TRAF3IP2: variants seen among roughly 807,000 people sequenced by gnomAD.
The protein encoded by TRAF3IP2 is TRAF3 interacting protein 2, also known as E3 ubiquitin ligase TRAF3IP2.
TRAF3IP2 carries 35 observed loss-of-function variants against 57.9 expected under a neutral mutation model. The observed-to-expected ratio is 0.60, with a 90% CI of 0.46 to 0.80. The LOEUF (loss-of-function observed/expected upper bound fraction) is 0.80. TRAF3IP2 is among the 30% of genes least tolerant of loss of function. TRAF3IP2 has a pLI of 0.00. For missense variants in TRAF3IP2, 556 were observed against 706.4 expected, an observed-to-expected ratio of 0.79 and a Z score of 2.41; for synonymous variants, 251 against 268.9, an observed-to-expected ratio of 0.93 and a Z score of 0.65.
chr6:111,594,138 A>AAAAAAAAC (rs1275125295), intron 1 of TRAF3IP2, among the ~76,000 whole-genome samples: 1 of 151,846 alleles, frequency 6.6e-6, no homozygotes, highest in Non-Finnish European at 1.5e-5. Flanking sequence ...TCTCCAAAAA[A>AAAAAAAAC]AAAAAAAATG....
intron 2 of TRAF3IP2, among the ~76,000 whole-genome samples, chr6:111,590,962 A>G (rs1796491473): frequency 6.6e-6 from 1 of 152,216 alleles, no homozygotes; most frequent in Non-Finnish European, 1.5e-5. Flanking sequence ...CATTTTGGTC[A>G]TCTCTCTGCT....
chr6:111,594,452 T>A (rs562371136), intron 1 of TRAF3IP2: 1 of 435,164 alleles, frequency 2.3e-6, no homozygotes, highest in South Asian at 1.6e-5. Flanking sequence ...CCAGTGTGAG[T>A]ACCTTAGAAG....
intron 7 of TRAF3IP2, among the ~76,000 whole-genome samples, chr6:111,563,594 A>C (rs1454804862): frequency 6.6e-6 from 1 of 152,234 alleles, no homozygotes; most frequent in African/African-American, 2.4e-5. Context: ...CATCCATTCT[A>C]CATCAGAGAT....
chr6:111,570,928 G>T lies in TRAF3IP2; in HGVS notation c.1290+1967C>A, dbSNP rs550367871. Among the ~76,000 whole-genome samples the T allele has an allele frequency of 8.6e-5, 13 of 151,892 alleles. No individual in the cohort carries two copies. In the East Asian group the frequency reaches 2.3e-3, roughly 27 times the overall value. On this transcript the variant is annotated intron_variant, in intron 5 of 8. Transcript: ENST00000368761. ...TTTTTTTCTTTTTTTTGGAGACAGA[G>T]TCTTGCTCTGTTGCCCAGGCTGGAT...
Position 111,559,288 on chromosome 6 carries a change from C to T in TRAF3IP2, c.*117G>A, listed in dbSNP as rs1183142148. The stretch of plus-strand genomic sequence containing the variant: ...AGGTTTCCTGGGGGCCAGAGGGCCT[C>T]TCGGGGAGGAACAGAAAAAAACCAG... On this transcript the variant is annotated 3_prime_UTR_variant, in exon 9 of 9. Transcript: ENST00000368761. The T allele has an allele frequency of 1.6e-5, 23 of 1,431,404 alleles. No individual in the cohort carries two copies. The Admixed American group carries it at 4.2e-4, about 26-fold the overall frequency. The allele number at this position is 1,431,404 out of a possible 1,614,324, so 88.7% of individuals were successfully genotyped here. A position where few individuals can be genotyped will look rare whatever the true frequency, so the allele number is the denominator to read the frequency against.
At chr6:111,603,479 CAT>C (rs1186512311) in intron 1 of TRAF3IP2, among the ~76,000 whole-genome samples, 1 of 152,136 alleles carries the variant, frequency 6.6e-6, no homozygotes, top group Non-Finnish European at 1.5e-5. Context: ...GCCTGCAATT[CAT>C]ATATGTTTTT....
intron 7 of TRAF3IP2, among the ~76,000 whole-genome samples, chr6:111,565,849 C>A: frequency 6.6e-6 from 1 of 152,170 alleles, no homozygotes; most frequent in Non-Finnish European, 1.5e-5. Context: ...CTGATATGCA[C>A]CAGATATTTT....
intron 1 of TRAF3IP2, among the ~76,000 whole-genome samples, chr6:111,593,173 C>T (rs966957890): frequency 6.6e-6 from 1 of 152,150 alleles, no homozygotes. Context: ...CGTAAAAGAG[C>T]AAGCAAGTGA....
intron 7 of TRAF3IP2, among the ~76,000 whole-genome samples, chr6:111,564,328 C>T (rs1795552827): frequency 6.6e-6 from 1 of 152,122 alleles, no homozygotes; most frequent in Non-Finnish European, 1.5e-5. Context: ...ACCGAGTACA[C>T]ATGAAAGGAA....
Position 111,591,446 on chromosome 6 carries a change from C to A in TRAF3IP2, c.641G>T (p.Arg214Met). 1.9e-6 allele frequency: 3 copies of A among 1,586,874 alleles called. No homozygotes were observed. The highest frequency in any genetic ancestry group is 2.6e-6 in the Non-Finnish European group (3 of 1,165,320). Residue 214 changes from arginine (R) to methionine (M), a missense_variant, in exon 2 of 9, where the codon AGG (arginine) becomes ATG (methionine). Physicochemically the swap from Arg to Met is moderately conservative, Grantham distance 91 (BLOSUM62 -1). Around this residue, in one of 2 missense-constraint regions of TRAF3IP2, gnomAD observed 428 missense variants for 498.7 expected, o/e 0.86. Transcript: ENST00000368761. The surrounding 1 kb of genome is among the most constrained non-coding windows in gnomAD (Gnocchi z 4.9). ...QDVLGIRQLE[R>M]PLPLTSVCYP... ...ACACACGGAGGTGAGGGGCAGGGGC[C>A]TTTCCAGCTGCCTGATGCCCAGGAC...
At chr6:111,597,684 A>G (rs1796734003) in intron 1 of TRAF3IP2, among the ~76,000 whole-genome samples, 1 of 152,350 alleles carries the variant, frequency 6.6e-6, no homozygotes, top group East Asian at 1.9e-4. Context: ...GCAGAGGGTG[A>G]GAGCATGTAC....
intron 4 of TRAF3IP2, among the ~76,000 whole-genome samples, chr6:111,575,093 A>G (rs4947126): frequency 0.84 from 127,597 of 151,560 alleles, 54,094 homozygotes; most frequent in East Asian, 1. Flanking sequence ...TTGTGGTGGT[A>G]TGCACCTGTA....
chr6:111,567,568 T>A, intron 6 of TRAF3IP2, 56 bp downstream of exon 6: 2 of 1,549,560 alleles, frequency 1.3e-6, no homozygotes, highest in Non-Finnish European at 1.7e-6. Flanking sequence ...AACAACTTCA[T>A]AAGCTCATTG....
chr6:111,559,656 TTCCTACCAAACTA>T lies in TRAF3IP2; in HGVS notation c.1552-118_1552-106del. 7.5e-6 allele frequency: 10 copies of T among 1,326,582 alleles called. No homozygotes were observed. The East Asian group carries it at 2.1e-4, about 28-fold the overall frequency. The allele number at this position is 1,326,582 out of a possible 1,614,324, so 82.2% of individuals were successfully genotyped here. A position where few individuals can be genotyped will look rare whatever the true frequency, so the allele number is the denominator to read the frequency against. ...TTTCTGGCTTTCCCTACATGGGCGTTTCCTACCAAACTATCCTGGGAGTTGTGCTGTTTTGCTT... is the reference window on the plus strand; with the variant it reads ...TTTCTGGCTTTCCCTACATGGGCGTTTCCTGGGAGTTGTGCTGTTTTGCTT... On this transcript the variant is annotated intron_variant, in intron 8 of 8. Coordinates refer to ENST00000368761, the MANE Select transcript of TRAF3IP2 (RefSeq NM_147686.4).
intron 7 of TRAF3IP2, among the ~76,000 whole-genome samples, chr6:111,566,110 C>G (rs1795626675): frequency 6.6e-6 from 1 of 152,190 alleles, no homozygotes; most frequent in Non-Finnish European, 1.5e-5. Context: ...CTCCTCACCA[C>G]CCCGTCTCCT....
intron 5 of TRAF3IP2, among the ~76,000 whole-genome samples, chr6:111,571,047 C>T (rs892417031): frequency 6.6e-6 from 1 of 151,802 alleles, no homozygotes; most frequent in African/African-American, 2.4e-5. Flanking sequence ...GCTGGGACTA[C>T]AGGCGCACAC....
rs1322601306 is a variant in TRAF3IP2 at position 111,580,241 on chromosome 6, C to T, written c.978G>A (p.Arg326=). Reference sequence around the variant, plus strand: ...GAAAGGAGCAGTCTCTCTGTGCGGGCCTCTCTTCGTGGTCCCAGGGGCTGG... The same window carrying T: ...GAAAGGAGCAGTCTCTCTGTGCGGGTCTCTCTTCGTGGTCCCAGGGGCTGG... ...NYPSPWDHEE[R]PAQRDCSFPG... Residue 326 remains arginine, a synonymous_variant, in exon 3 of 9, where the codon AGG becomes AGA. Transcript: ENST00000368761. The T allele has an allele frequency of 6.2e-7, 1 of 1,613,282 alleles. No homozygotes were observed. The highest frequency in any genetic ancestry group is 1.1e-5 in the South Asian group (1 of 91,070).
chr6:111,585,334 C>CA (rs66486925), intron 2 of TRAF3IP2, among the ~76,000 whole-genome samples: 18,274 of 146,274 alleles, frequency 0.12, 1,335 homozygotes, highest in Middle Eastern at 0.22. Flanking sequence ...CCTCCCAGGC[C>CA]AAAAAAAAAA....
intron 2 of TRAF3IP2, among the ~76,000 whole-genome samples, chr6:111,590,096 A>G (rs992438149): frequency 6.6e-6 from 1 of 152,188 alleles, no homozygotes; most frequent in African/African-American, 2.4e-5. Context: ...GGAAAAAAAA[A>G]ATGGTGATAG....
Sources: gnomAD v4.1 joint callset for allele counts (sites outside exome capture counted in the v4.1 genomes callset) on GRCh38, gnomAD v4.1.1 for gene constraint, gnomAD v4.1.1 regional missense constraint, Gnocchi (gnomAD v3.1) non-coding constraint, MANE v1.5 for transcripts, NCBI Gene and HGNC (gene_info 2026-07-23, HGNC 2026-07-21) for gene names.